The following ARHGEF38 variants were observed in gnomAD, a reference collection of about 807,000 sequenced individuals.
ARHGEF38 encodes Rho guanine nucleotide exchange factor (GEF) 38.
ARHGEF38 carries 79 observed loss-of-function variants against 79.9 expected under a neutral mutation model. That is an observed-to-expected ratio of 0.99 (90% CI 0.82 to 1.19). ARHGEF38 has a LOEUF of 1.19. Among genes scored for constraint, ARHGEF38 ranks in the 50% most tolerant of loss-of-function variants. The pLI is 0.00. For missense variants in ARHGEF38, 962 were observed against 907.2 expected (o/e 1.06, Z -0.78); for synonymous variants, 366 against 328.3 (o/e 1.11, Z -1.24).
intron 1 of ARHGEF38, among the ~76,000 whole-genome samples, chr4:105,582,578 AT>A (rs1726849987): frequency 6.6e-6 from 1 of 152,148 alleles, no homozygotes; most frequent in Admixed American, 6.5e-5. Flanking sequence ...TTATTTCTAC[AT>A]TAATTTCATG....
chr4:105,562,397 T>A (rs1224552359), intron 1 of ARHGEF38, among the ~76,000 whole-genome samples: 1 of 152,254 alleles, frequency 6.6e-6, no homozygotes, highest in Admixed American at 6.5e-5. Context: ...ATCCAGTGAA[T>A]AATTACAACT....
Position 105,654,167 on chromosome 4 carries a change from C to G in ARHGEF38, c.1111C>G (p.Gln371Glu), listed in dbSNP as rs1321148925. Residue 371 changes from glutamine to glutamate, a missense_variant and splice_region_variant, in exon 8 of 14, where the codon CAG (glutamine) becomes GAG (glutamate). Physicochemically the swap from Gln to Glu is conservative, Grantham distance 29 (BLOSUM62 2). Coordinates refer to ENST00000420470, the MANE Select transcript of ARHGEF38 (RefSeq NM_001242729.2). ...KNISLCLQHIQDAMPLALQSV... is the reference protein window; with the variant it reads ...KNISLCLQHIEDAMPLALQSV... ...CATTTCACTCTGTCTTCAACACATA[C>G]AGGTAGGTGAGACACAACTGTTTTC... 2.0e-6 allele frequency: 3 copies of G among 1,464,018 alleles called. No homozygotes were observed. Among genetic ancestry groups the G allele is most frequent in the East Asian group, 5.0e-5 (2 of 40,032 alleles). The allele number at this position is 1,464,018 out of a possible 1,614,324, so 90.7% of individuals were successfully genotyped here.
chr4:105,609,579 C>T (rs545574142), intron 2 of ARHGEF38, among the ~76,000 whole-genome samples: 16 of 152,142 alleles, frequency 1.1e-4, no homozygotes, highest in African/African-American at 3.6e-4. Context: ...ATTTCAATGA[C>T]GTGTTTCATA....
chr4:105,612,939 C>CG (rs1728356576), intron 2 of ARHGEF38, among the ~76,000 whole-genome samples: 4 of 152,062 alleles, frequency 2.6e-5, no homozygotes, highest in South Asian at 4.2e-4. Context: ...AAAAGCAACC[C>CG]AGCACATCTA....
rs185071072 is a variant in ARHGEF38 at position 105,632,790 on chromosome 4, G to A, written c.656+1745G>A. On this transcript the variant is annotated intron_variant, in intron 4 of 13. Coordinates refer to ENST00000420470, the MANE Select transcript of ARHGEF38 (RefSeq NM_001242729.2). ...GAGGTCCTTGCCTGAAAAGAATGTGGTGCCTCTACTTTAGGCATGCGCTTC... is the reference window on the plus strand; with the variant it reads ...GAGGTCCTTGCCTGAAAAGAATGTGATGCCTCTACTTTAGGCATGCGCTTC... 1.9e-3 allele frequency: 287 copies of A among 152,344 alleles called. 1 individual carries two copies. The highest frequency in any genetic ancestry group is 2.5e-3 in the Non-Finnish European group (170 of 68,060). The allele number at this position is 152,344 out of a possible 1,614,324, so 9.4% of individuals were successfully genotyped here.
chr4:105,668,889 C>CA (rs1434376567), intron 13 of ARHGEF38, among the ~76,000 whole-genome samples: 1 of 151,586 alleles, frequency 6.6e-6, no homozygotes, highest in Non-Finnish European at 1.5e-5. Context: ...TACTAAAAAT[C>CA]AAAAAAATTA....
intron 1 of ARHGEF38, among the ~76,000 whole-genome samples, chr4:105,574,249 T>G (rs538815717): frequency 6.6e-6 from 1 of 152,228 alleles, no homozygotes; most frequent in East Asian, 1.9e-4. Context: ...AGTACTATGT[T>G]GAAAAGAAGT....
At chr4:105,666,991 T>C in intron 11 of ARHGEF38, 138 bp from the exon 12 acceptor site, 1 of 757,872 alleles carries the variant, frequency 1.3e-6, no homozygotes, top group Non-Finnish European at 2.1e-6. Context: ...GCCTGCTCTA[T>C]GCCTGCACCT....
chr4:105,605,608 A>C (rs1290289147), intron 2 of ARHGEF38, among the ~76,000 whole-genome samples: 10 of 152,178 alleles, frequency 6.6e-5, no homozygotes, highest in Non-Finnish European at 4.4e-5. Context: ...AGTTTGACTC[A>C]ATTAGCCAGT....
intron 1 of ARHGEF38, among the ~76,000 whole-genome samples, chr4:105,564,179 G>A (rs1725773539): frequency 6.6e-6 from 1 of 152,012 alleles, no homozygotes; most frequent in Admixed American, 6.6e-5. Flanking sequence ...AATCTATTGT[G>A]CAAAGAAAAA....
At chr4:105,584,671 C>G (rs1726948390) in intron 1 of ARHGEF38, among the ~76,000 whole-genome samples, 1 of 152,118 alleles carries the variant, frequency 6.6e-6, no homozygotes, top group Non-Finnish European at 1.5e-5. Context: ...ATAGCTATTT[C>G]TATGTCTATC....
intron 10 of ARHGEF38, among the ~76,000 whole-genome samples, chr4:105,659,692 T>A (rs1192799192): frequency 2.0e-5 from 3 of 152,196 alleles, no homozygotes; most frequent in Non-Finnish European, 4.4e-5. Context: ...TTATATTTTG[T>A]ATTTTTTTCT....
intron 9 of ARHGEF38, among the ~76,000 whole-genome samples, chr4:105,657,284 T>C (rs1730372698): frequency 1.3e-5 from 2 of 152,074 alleles, no homozygotes; most frequent in Admixed American, 1.3e-4. Context: ...CAGACTTTGA[T>C]GGAAAGAAGC....
intron 3 of ARHGEF38, 104 bp downstream of exon 3, chr4:105,613,611 G>A: frequency 7.7e-7 from 1 of 1,299,362 alleles, no homozygotes. Flanking sequence ...TGCTTCCCAG[G>A]AGATATATAA....
chr4:105,555,371 G>A (rs937863817), intron 1 of ARHGEF38, among the ~76,000 whole-genome samples: 6 of 152,100 alleles, frequency 3.9e-5, no homozygotes, highest in African/African-American at 7.2e-5. Flanking sequence ...AGCATGGTTC[G>A]ACTAGAACAG....
chr4:105,679,508 T>C lies in ARHGEF38; in HGVS notation c.*1571T>C. On this transcript the variant is annotated 3_prime_UTR_variant, in exon 14 of 14. Coordinates refer to ENST00000420470, the MANE Select transcript of ARHGEF38 (RefSeq NM_001242729.2). ...TATCAGAGTTGATTAAAGATCATGGTTCAAAGCTTGATACACCAGAAATGT... is the reference window on the plus strand; with the variant it reads ...TATCAGAGTTGATTAAAGATCATGGCTCAAAGCTTGATACACCAGAAATGT... 1 of 1,461,312 alleles carries C rather than the reference T, an allele frequency of 6.8e-7. No individual in the cohort carries two copies. Among genetic ancestry groups the C allele is most frequent in the Non-Finnish European group, 9.6e-7 (1 of 1,043,556 alleles). 90.5% of individuals were successfully genotyped at this position (1,461,312 alleles called of 1,614,324 possible).
chr4:105,582,398 G>A (rs1308411741), intron 1 of ARHGEF38, among the ~76,000 whole-genome samples: 1 of 151,062 alleles, frequency 6.6e-6, no homozygotes, highest in African/African-American at 2.4e-5. Flanking sequence ...TCTGTAAGCA[G>A]TGCTTTACCT....
At chr4:105,647,661 C>T (rs545882877) in intron 6 of ARHGEF38, among the ~76,000 whole-genome samples, 10 of 152,060 alleles carry the variant, frequency 6.6e-5, no homozygotes, top group Admixed American at 5.2e-4. Flanking sequence ...GTTTAATTCT[C>T]ATCAGCAGTC....
chr4:105,593,962 G>A (rs1474601901), intron 2 of ARHGEF38, among the ~76,000 whole-genome samples: 1 of 152,080 alleles, frequency 6.6e-6, no homozygotes, highest in Non-Finnish European at 1.5e-5. Context: ...CATTTTCTAG[G>A]TTGTTTTATT....
Sources: allele counts gnomAD v4.1 joint callset (sites outside exome capture counted in the v4.1 genomes callset), GRCh38; gene constraint gnomAD v4.1.1; transcripts MANE v1.5; gene names NCBI Gene and HGNC (gene_info 2026-07-23, HGNC 2026-07-21).